Variants in ZFAND3 observed in about 807,000 individuals in gnomAD.
The protein encoded by ZFAND3 is AN1-type zinc finger protein 3.
In ZFAND3, 10 loss-of-function variants were observed where a neutral mutation model predicts 29.6. That is an observed-to-expected ratio of 0.34 (90% confidence interval 0.21 to 0.57). The LOEUF is 0.57. Ranked by LOEUF, ZFAND3 falls within the 20% of genes least tolerant of loss-of-function variation. The probability of loss-of-function intolerance (pLI) is 0.86; values close to 1 mark genes in which losing one functional copy is unlikely to be tolerated. For synonymous variants in ZFAND3, 128 were observed against 112.6 expected (o/e 1.14, Z -0.87); for missense variants, 230 against 304.5 (o/e 0.76, Z 1.82).
chr6:37,833,453 T>C (rs1763901551), intron 1 of ZFAND3, among the ~76,000 whole-genome samples: 1 of 152,178 alleles, frequency 6.6e-6, no homozygotes, highest in Non-Finnish European at 1.5e-5. Context: ...TCTTCTTAGA[T>C]GTTTTTCTAC....
At chr6:37,975,771 C>G (rs1394471926) in intron 2 of ZFAND3, among the ~76,000 whole-genome samples, 2 of 152,046 alleles carry the variant, frequency 1.3e-5, no homozygotes, top group Non-Finnish European at 2.9e-5. Context: ...ATGCCAATAC[C>G]TCTTTTGATT....
chr6:38,042,973 C>T (rs1395828315), intron 2 of ZFAND3, among the ~76,000 whole-genome samples: 2 of 152,044 alleles, frequency 1.3e-5, no homozygotes, highest in Non-Finnish European at 2.9e-5. Flanking sequence ...CTGTGCCTCA[C>T]TTTGCTCGGA....
intron 2 of ZFAND3, among the ~76,000 whole-genome samples, chr6:37,932,184 G>A (rs1242321218): frequency 4.6e-5 from 7 of 151,840 alleles, no homozygotes; most frequent in Non-Finnish European, 8.8e-5. Flanking sequence ...CGGGAGAATC[G>A]CTTGAACCTA....
At chr6:37,977,389 C>T (rs1762498663) in intron 2 of ZFAND3, among the ~76,000 whole-genome samples, 1 of 152,184 alleles carries the variant, frequency 6.6e-6, no homozygotes, top group Non-Finnish European at 1.5e-5. Flanking sequence ...GCAACCTCTG[C>T]CTCCCGGGTT....
chr6:37,924,215 A>C lies in ZFAND3; in HGVS notation c.72-5744A>C, dbSNP rs374070345. 2.5e-3 allele frequency among the ~76,000 whole-genome samples: 375 copies of C among 152,274 alleles called. 9 individuals are homozygous for C. The South Asian group carries it at 0.057, about 23-fold the overall frequency. On this transcript the variant is annotated intron_variant, in intron 1 of 5. Transcript: ENST00000287218. Reference sequence around the variant, plus strand: ...GTAATGCATTGTGACAGAGCTCCAGAAAGATGACAGGCTGACAGCCACAGG... The same window carrying C: ...GTAATGCATTGTGACAGAGCTCCAGCAAGATGACAGGCTGACAGCCACAGG...
chr6:38,054,954 G>A (rs1410248171), intron 2 of ZFAND3, among the ~76,000 whole-genome samples: 5 of 152,162 alleles, frequency 3.3e-5, no homozygotes, highest in African/African-American at 4.8e-5. Context: ...TAAGTTTTGC[G>A]GTTGAGATGG....
intron 2 of ZFAND3, among the ~76,000 whole-genome samples, chr6:38,041,292 A>T (rs528879094): frequency 2.2e-4 from 34 of 152,274 alleles, no homozygotes; most frequent in South Asian, 8.3e-4. Flanking sequence ...AATTAGTAAG[A>T]AATTGTGGAA....
At chr6:38,082,281 T>C in intron 3 of ZFAND3, 111 bp from the exon 4 acceptor site, 3 of 947,462 alleles carry the variant, frequency 3.2e-6, no homozygotes, top group East Asian at 5.3e-5. Flanking sequence ...CTCCTCGTTA[T>C]ATTTTCAGGT....
At chr6:38,018,715 C>A (rs1010034459) in intron 2 of ZFAND3, among the ~76,000 whole-genome samples, 1 of 152,094 alleles carries the variant, frequency 6.6e-6, no homozygotes, top group South Asian at 2.1e-4. Context: ...ATTACCCCCT[C>A]CTAGGCTTTT....
intron 2 of ZFAND3, among the ~76,000 whole-genome samples, chr6:38,017,862 C>T (rs1039161782): frequency 1.3e-5 from 2 of 152,048 alleles, no homozygotes; most frequent in Admixed American, 6.6e-5. Context: ...TCATGTTATT[C>T]GTGTCAGCAT....
intron 1 of ZFAND3, among the ~76,000 whole-genome samples, chr6:37,900,940 G>A (rs1340636330): frequency 6.6e-6 from 1 of 152,190 alleles, no homozygotes; most frequent in East Asian, 1.9e-4. Context: ...ACTGGTGGTT[G>A]CTTTTAATAG....
intron 4 of ZFAND3, among the ~76,000 whole-genome samples, chr6:38,086,563 C>G (rs1764762444): frequency 6.6e-6 from 1 of 152,196 alleles, no homozygotes; most frequent in African/African-American, 2.4e-5. Flanking sequence ...CTGCCAAGAA[C>G]AAGTATTTTG....
intron 2 of ZFAND3, among the ~76,000 whole-genome samples, chr6:38,048,220 C>T (rs1172660369): frequency 6.6e-6 from 1 of 151,884 alleles, no homozygotes; most frequent in African/African-American, 2.4e-5. Context: ...CCAGGATGGT[C>T]TTGAACTCCT....
intron 1 of ZFAND3, among the ~76,000 whole-genome samples, chr6:37,907,256 A>G (rs930115810): frequency 6.6e-6 from 1 of 152,152 alleles, no homozygotes; most frequent in South Asian, 2.1e-4. Context: ...TTTACATGCC[A>G]TAAAATACAC....
chr6:38,102,327 A>G (rs1765112042), intron 4 of ZFAND3, among the ~76,000 whole-genome samples: 3 of 152,186 alleles, frequency 2.0e-5, no homozygotes, highest in Admixed American at 2.0e-4. Flanking sequence ...TTACATGGGA[A>G]TATCTGACTT....
intron 2 of ZFAND3, among the ~76,000 whole-genome samples, chr6:37,956,903 C>T (rs148410121): frequency 5.9e-5 from 9 of 152,220 alleles, no homozygotes; most frequent in East Asian, 1.9e-4. Context: ...AACAGTCCTT[C>T]GGGATTGCAA....
intron 4 of ZFAND3, among the ~76,000 whole-genome samples, chr6:38,084,350 C>T (rs1412964362): frequency 6.6e-6 from 1 of 152,184 alleles, no homozygotes; most frequent in African/African-American, 2.4e-5. Flanking sequence ...AATAAGTTAA[C>T]ATCTCAAAAT....
rs1344364755 is a variant in ZFAND3 at position 38,153,819 on chromosome 6, T to TG, written c.*1433dup. ...GTCCTAGTGCCGCATCAGATCCAGGTGGGTGAGGGCAGGAGGCCCCTGCGG... is the reference window on the plus strand; with the variant it reads ...GTCCTAGTGCCGCATCAGATCCAGGTGGGGTGAGGGCAGGAGGCCCCTGCGG... On this transcript the variant is annotated 3_prime_UTR_variant, in exon 6 of 6. Transcript: ENST00000287218. 3.0e-6 allele frequency: 3 copies of TG among 985,378 alleles called. No homozygotes were observed. Among genetic ancestry groups the TG allele is most frequent in the Non-Finnish European group, 3.6e-6 (3 of 829,962 alleles). 61.0% of individuals were successfully genotyped at this position (985,378 alleles called of 1,614,324 possible).
intron 2 of ZFAND3, among the ~76,000 whole-genome samples, chr6:37,930,690 A>G (rs982959614): frequency 6.6e-6 from 1 of 152,210 alleles, no homozygotes; most frequent in African/African-American, 2.4e-5. Context: ...TAACTTCTGG[A>G]ATTATGACTC....
Sources: gnomAD v4.1 joint callset for allele counts (sites outside exome capture counted in the v4.1 genomes callset) on GRCh38, gnomAD v4.1.1 for gene constraint, MANE v1.5 for transcripts, NCBI Gene and HGNC (gene_info 2026-07-23, HGNC 2026-07-21) for gene names.